Variants in TTC34 observed in about 807,000 individuals in gnomAD.
TTC34 encodes the protein tetratricopeptide repeat protein 34.
A neutral mutation model predicts 40.7 loss-of-function variants in TTC34; 44 were observed. The observed-to-expected ratio is 1.08, with a 90% confidence interval of 0.85 to 1.39. The LOEUF (loss-of-function observed/expected upper bound fraction) is 1.39, where lower values mean the gene tolerates loss of function less well. Ranked by LOEUF, TTC34 falls within the 40% of genes most tolerant of loss-of-function variation. The pLI, the probability that TTC34 is intolerant of heterozygous loss-of-function variation, is 0.00. For synonymous variants in TTC34, 422 were observed against 398.6 expected (o/e 1.06, Z -0.70); for missense variants, 884 against 838.0 (o/e 1.05, Z -0.68).
intron 6 of TTC34, among the ~76,000 whole-genome samples, chr1:2,683,484 C>G (rs1640174046): frequency 6.7e-6 from 1 of 149,642 alleles, no homozygotes; most frequent in Non-Finnish European, 1.5e-5. Context: ...ACCAGGCGAG[C>G]ATCTGACAGC....
chr1:2,790,759 C>A (rs1193311474), intron 2 of TTC34, among the ~76,000 whole-genome samples: 1 of 152,226 alleles, frequency 6.6e-6, no homozygotes, highest in East Asian at 1.9e-4. Flanking sequence ...CCCTCCACTC[C>A]CAGGGCAGAG....
chr1:2,684,509 A>T (rs1640229011), intron 6 of TTC34, among the ~76,000 whole-genome samples: 1 of 147,246 alleles, frequency 6.8e-6, no homozygotes, highest in African/African-American at 2.6e-5. Context: ...CTGGAACGGC[A>T]CCCACACCCC....
Position 2,750,986 on chromosome 1 carries a change from G to T in TTC34, c.2226+32623C>A, listed in dbSNP as rs1344401858. Reference sequence around the variant, plus strand: ...CCACACCCCCAGGTGCGCATGTGATGGTCTGGAGCAGCACCCACACCGACA... The same window carrying T: ...CCACACCCCCAGGTGCGCATGTGATTGTCTGGAGCAGCACCCACACCGACA... On this transcript the variant is annotated intron_variant, in intron 6 of 8. Transcript: ENST00000401095. 6.3e-5 allele frequency among the ~76,000 whole-genome samples: 3 copies of T among 47,564 alleles called. 1 individual carries two copies. Among genetic ancestry groups the T allele is most frequent in the East Asian group, 1.2e-3 (1 of 850 alleles). The allele number at this position is 47,564 out of a possible 152,430, so 31.2% of individuals were successfully genotyped here. A position where few individuals can be genotyped will look rare whatever the true frequency, so the allele number is the denominator to read the frequency against.
At chr1:2,781,151 T>C (rs1406828160) in intron 6 of TTC34, among the ~76,000 whole-genome samples, 1 of 152,162 alleles carries the variant, frequency 6.6e-6, no homozygotes, top group Non-Finnish European at 1.5e-5. Context: ...TGCAGATCAG[T>C]TCTTGGGATG....
intron 5 of TTC34, among the ~76,000 whole-genome samples, chr1:2,784,990 T>TCTGGGCCGCTCTGGGCC (rs869214678): frequency 6.6e-6 from 1 of 150,838 alleles, no homozygotes; most frequent in Non-Finnish European, 1.5e-5. Context: ...CGCTCTGGGC[T>TCTGGGCCGCTCTGGGCC]GCTCTGGGCC....
At chr1:2,646,362 A>T (rs549374547) in intron 6 of TTC34, among the ~76,000 whole-genome samples, 1 of 152,152 alleles carries the variant, frequency 6.6e-6, no homozygotes, top group Non-Finnish European at 1.5e-5. Flanking sequence ...ATTTCCTCAC[A>T]TAGTGCATTA....
At chr1:2,700,114 C>A (rs1466943434) in intron 6 of TTC34, among the ~76,000 whole-genome samples, 10 of 119,980 alleles carry the variant, frequency 8.3e-5, no homozygotes, top group African/African-American at 2.4e-4. Context: ...CATCCGAGAG[C>A]CTGGAGCAGC....
In TTC34 at chr1:2,771,535, C is replaced by G; in HGVS notation, c.2226+12074G>C. 2.6e-5 allele frequency among the ~76,000 whole-genome samples: 2 copies of G among 77,344 alleles called. 1 individual carries two copies. Among genetic ancestry groups the G allele is most frequent in the Non-Finnish European group, 4.6e-5 (2 of 43,476 alleles). 50.7% of individuals were successfully genotyped at this position (77,344 alleles called of 152,430 possible). A position where few individuals can be genotyped will look rare whatever the true frequency, so the allele number is the denominator to read the frequency against. On this transcript the variant is annotated intron_variant, in intron 6 of 8. Transcript: ENST00000401095. Reference sequence around the variant, plus strand: ...AGTAGCACGCACACCCCCAGGCGAGCATCTGACAGCCTGGAGCAGCACACA... The same window carrying G: ...AGTAGCACGCACACCCCCAGGCGAGGATCTGACAGCCTGGAGCAGCACACA...
chr1:2,749,764 C>G (rs1227481760), intron 6 of TTC34, among the ~76,000 whole-genome samples: 1 of 71,824 alleles, frequency 1.4e-5, no homozygotes, highest in Non-Finnish European at 2.7e-5. Context: ...AGCTCCCACA[C>G]CCCCAGGCGA....
intron 6 of TTC34, among the ~76,000 whole-genome samples, chr1:2,682,047 T>C (rs28370268): frequency 0.16 from 3,583 of 22,952 alleles, 147 homozygotes; most frequent in Middle Eastern, 0.19. Flanking sequence ...CATCTGACAT[T>C]GTGGAGCAGC....
chr1:2,783,545 G>T (rs2100620508), intron 6 of TTC34, 64 bp downstream of exon 6: 1 of 1,305,284 alleles, frequency 7.7e-7, no homozygotes. Context: ...TGGGGTGGAG[G>T]AAGGCAGCTC....
At chr1:2,695,725 A>G (rs1203367464) in intron 6 of TTC34, among the ~76,000 whole-genome samples, 1 of 149,386 alleles carries the variant, frequency 6.7e-6, no homozygotes, top group African/African-American at 2.5e-5. Context: ...CCCCCAGGTG[A>G]GCAGCTGAAA....
chr1:2,694,955 C>G (rs200184781), intron 6 of TTC34, among the ~76,000 whole-genome samples: 232 of 72,990 alleles, frequency 3.2e-3, no homozygotes, highest in Non-Finnish European at 6.7e-3. Flanking sequence ...CCCACACCCC[C>G]AGGTGAGCAT....
At chr1:2,797,166 G>T (rs1316446607) in intron 2 of TTC34, among the ~76,000 whole-genome samples, 3 of 152,202 alleles carry the variant, frequency 2.0e-5, no homozygotes, top group Non-Finnish European at 4.4e-5. Flanking sequence ...GCAGCCCCGT[G>T]TCTCATGGGG....
rs376632144 is a variant in TTC34, at chr1:2,792,006, CTT to C, written c.785-1662_785-1661del. ...TGTTCAACTCTAGACTTGCCATATGCTTTTTTTTTTTTTTTTTTTTTTTTTTT... is the reference window on the plus strand; with the variant it reads ...TGTTCAACTCTAGACTTGCCATATGCTTTTTTTTTTTTTTTTTTTTTTTTT... On this transcript the variant is annotated intron_variant, in intron 2 of 8. Transcript: ENST00000401095. 3.0e-3 allele frequency among the ~76,000 whole-genome samples: 119 copies of C among 39,542 alleles called. 2 individuals carry two copies. Among genetic ancestry groups the C allele is most frequent in the Non-Finnish European group, 3.5e-3 (68 of 19,338 alleles). The allele number at this position is 39,542 out of a possible 152,430, so 25.9% of individuals were successfully genotyped here.
chr1:2,645,387 G>A lies in TTC34; in HGVS notation c.2403C>T (p.Thr801=), dbSNP rs1261747355. The change falls in exon 7 of 9, where the codon ACC becomes ACT. Residue 801 remains threonine (T), a synonymous_variant. Coordinates refer to ENST00000401095, the Ensembl canonical transcript of TTC34. The surrounding 1 kb of genome is among the most constrained non-coding windows in gnomAD (Gnocchi z 4.7). ...CCTCCCCCACAGCAAGGAGGCCCTG[G>A]GTGTCCTTGTCCTCGAGAGGGGCCC... 2.0e-6 allele frequency: 3 copies of A among 1,535,540 alleles called. No individual in the cohort carries two copies. The highest frequency in any genetic ancestry group is 2.6e-6 in the Non-Finnish European group (3 of 1,146,598).
chr1:2,683,780 A>G (rs1640191779), intron 6 of TTC34, among the ~76,000 whole-genome samples: 5 of 150,360 alleles, frequency 3.3e-5, no homozygotes, highest in African/African-American at 1.2e-4. Context: ...GACAGGCTGG[A>G]GCAGCACGCA....
rs1412376200 is a variant in TTC34 at position 2,789,661 on chromosome 1, G to A, written c.1470C>T (p.Ala490=). 7.6e-6 allele frequency: 10 copies of A among 1,319,630 alleles called. No homozygotes were observed. The African/African-American group carries it at 1.2e-4, about 16-fold the overall frequency. 81.7% of individuals were successfully genotyped at this position (1,319,630 alleles called of 1,614,324 possible). ...GGTTCCAGGGCACGTAGGCCTTGGC[G>A]GCCAGCAGCGCCTCCTCGGGCCGCA... The change falls in exon 3 of 9, where the codon GCC becomes GCT. Residue 490 remains alanine, a synonymous_variant. Coordinates refer to ENST00000401095, the Ensembl canonical transcript of TTC34.
At chr1:2,762,128 C>T (rs1328820284) in intron 6 of TTC34, among the ~76,000 whole-genome samples, 2 of 59,966 alleles carry the variant, frequency 3.3e-5, no homozygotes, top group Non-Finnish European at 5.4e-5. Flanking sequence ...GCAGCACACA[C>T]AACCCCAGGC....
Sources: gnomAD v4.1 joint callset for allele counts (sites outside exome capture counted in the v4.1 genomes callset) on GRCh38, gnomAD v4.1.1 for gene constraint, Gnocchi (gnomAD v3.1) non-coding constraint, MANE v1.5 for transcripts, NCBI Gene and HGNC (gene_info 2026-07-23, HGNC 2026-07-21) for gene names.